The following ITGB3BP variants were observed in gnomAD, a reference collection of about 807,000 sequenced individuals.
ITGB3BP encodes the protein centromere protein R.
ITGB3BP carries 27 observed loss-of-function variants against 29.1 expected under a neutral mutation model. The ratio of observed to expected loss-of-function variants is 0.93; its 90% CI spans 0.68 to 1.28. The LOEUF is 1.28. Among genes scored for constraint, ITGB3BP ranks in the 50% most tolerant of loss-of-function variants. ITGB3BP has a pLI of 0.00. For missense variants in ITGB3BP, 192 were observed against 200.2 expected, an observed-to-expected ratio of 0.96 and a Z score of 0.25; for synonymous variants, 61 against 61.4, an observed-to-expected ratio of 0.99 and a Z score of 0.03.
At chr1:63,523,087 G>A in intron 1 of ITGB3BP, 42 bp downstream of exon 1, 1 of 1,612,410 alleles carries the variant, frequency 6.2e-7, no homozygotes, top group African/African-American at 1.3e-5. Context: ...TCTTCTTGCA[G>A]AGGGCCCCCA....
At chr1:63,446,411 A>G (rs1234587570) in intron 8 of ITGB3BP, 1 of 163,214 alleles carries the variant, frequency 6.1e-6, no homozygotes, top group Non-Finnish European at 1.3e-5. Flanking sequence ...TCCAAATTTA[A>G]CAGACTAGTT....
intron 4 of ITGB3BP, among the ~76,000 whole-genome samples, chr1:63,478,381 C>T (rs1645378037): frequency 6.6e-6 from 1 of 152,210 alleles, no homozygotes; most frequent in Non-Finnish European, 1.5e-5. Context: ...CTAGATCTCT[C>T]ACTCTGCTGG....
chr1:63,448,278 A>G (rs1185919960), intron 7 of ITGB3BP, among the ~76,000 whole-genome samples: 3 of 150,742 alleles, frequency 2.0e-5, no homozygotes, highest in Non-Finnish European at 3.0e-5. Flanking sequence ...ATGTATACAT[A>G]TGTAACTAAC....
chr1:63,510,275 A>G (rs978881006), intron 1 of ITGB3BP: 3 of 403,788 alleles, frequency 7.4e-6, no homozygotes, highest in Non-Finnish European at 8.8e-6. Flanking sequence ...AATGCTATTA[A>G]GATGCAATAG....
intron 4 of ITGB3BP, among the ~76,000 whole-genome samples, chr1:63,464,345 A>G (rs1436892103): frequency 6.6e-6 from 1 of 152,198 alleles, no homozygotes; most frequent in Non-Finnish European, 1.5e-5. Flanking sequence ...TGCTGTGAGC[A>G]TGGGAATTCT....
Position 63,446,864 on chromosome 1 carries a change from A to G in ITGB3BP, c.485-8T>C. The G allele has an allele frequency of 6.2e-7, 1 of 1,603,306 alleles. No individual in the cohort carries two copies. The highest frequency in any genetic ancestry group is 8.5e-7 in the Non-Finnish European group (1 of 1,173,718). On this transcript the variant is annotated splice_polypyrimidine_tract_variant and splice_region_variant and intron_variant, in intron 7 of 8. Coordinates refer to ENST00000271002, the MANE Select transcript of ITGB3BP (RefSeq NM_014288.5). ...TGTCAAGATGACGTGATGCTATATG[A>G]AAGAAGAAAGGTTTTTTTTTTCAGA...
intron 3 of ITGB3BP, among the ~76,000 whole-genome samples, chr1:63,481,722 A>G (rs6694910): frequency 0.96 from 146,118 of 152,308 alleles, 70,417 homozygotes; most frequent in Middle Eastern, 1. Flanking sequence ...ATACTTGGAA[A>G]CACAATCAAT....
upstream of ITGB3BP, chr1:63,523,409 C>T: frequency 3.7e-6 from 2 of 533,408 alleles, no homozygotes; most frequent in Non-Finnish European, 3.4e-6. Context: ...ATACCACCCC[C>T]GCGATAGAGG....
intron 2 of ITGB3BP, among the ~76,000 whole-genome samples, chr1:63,497,541 AC>A (rs958484193): frequency 6.6e-6 from 1 of 152,186 alleles, no homozygotes; most frequent in African/African-American, 2.4e-5. Flanking sequence ...GTATTGGGTG[AC>A]ATGTGTCTCA....
chr1:63,449,038 GTTAT>G (rs1370924061), intron 7 of ITGB3BP, among the ~76,000 whole-genome samples: 4 of 152,116 alleles, frequency 2.6e-5, no homozygotes, highest in Non-Finnish European at 4.4e-5. Context: ...CTGTTTAAAT[GTTAT>G]TTATTTTTAT....
chr1:63,472,729 G>C (rs894574196), intron 4 of ITGB3BP, among the ~76,000 whole-genome samples: 3 of 150,934 alleles, frequency 2.0e-5, no homozygotes, highest in Admixed American at 6.6e-5. Context: ...CGCCAGCCTC[G>C]GCCTCCCGAG....
intron 2 of ITGB3BP, among the ~76,000 whole-genome samples, chr1:63,496,094 AT>A (rs760733420): frequency 0.01 from 1,412 of 140,502 alleles, 8 homozygotes; most frequent in African/African-American, 0.031. Context: ...GGCCACTACA[AT>A]TTTTTTTTTT....
At chr1:63,509,992 A>T in intron 1 of ITGB3BP, 2 of 438,336 alleles carry the variant, frequency 4.6e-6, no homozygotes, top group Non-Finnish European at 8.2e-6. Flanking sequence ...CAGGAGTTCG[A>T]GACCAGCCTA....
At chr1:63,488,698 ATG>A (rs1209437261) in intron 3 of ITGB3BP, among the ~76,000 whole-genome samples, 1 of 152,084 alleles carries the variant, frequency 6.6e-6, no homozygotes, top group African/African-American at 2.4e-5. Context: ...AGACTTCTAT[ATG>A]TGAGATATAT....
intron 2 of ITGB3BP, among the ~76,000 whole-genome samples, chr1:63,497,986 AC>A (rs1645832392): frequency 6.6e-6 from 1 of 152,192 alleles, no homozygotes; most frequent in African/African-American, 2.4e-5. Context: ...GGGGAAAAAA[AC>A]AAAAAACAAA....
At chr1:63,446,721 G>T in intron 8 of ITGB3BP, 85 bp downstream of exon 8, 2 of 956,182 alleles carry the variant, frequency 2.1e-6, no homozygotes, top group Non-Finnish European at 1.7e-6. Context: ...TACCAAATCT[G>T]ATAATGTAAA....
At chr1:63,514,179 G>C (rs555584247) in intron 1 of ITGB3BP, among the ~76,000 whole-genome samples, 2 of 152,208 alleles carry the variant, frequency 1.3e-5, no homozygotes, top group South Asian at 4.1e-4. Flanking sequence ...ATAACTGTTA[G>C]ATTCACCCAG....
chr1:63,519,442 T>C (rs1464170069), intron 1 of ITGB3BP, among the ~76,000 whole-genome samples: 1 of 152,124 alleles, frequency 6.6e-6, no homozygotes, highest in African/African-American at 2.4e-5. Context: ...CTAAGTTAAA[T>C]AGACAGGTGA....
In ITGB3BP at chr1:63,505,020, G is replaced by C. The variant is rs1448074482; in HGVS notation, c.48+3508C>G. On this transcript the variant is annotated intron_variant, in intron 2 of 8. Transcript: ENST00000271002. ...GGCTTTGGTATCAGGATGATGCTGG[G>C]CTCATAAAATGCATCAGGGAGGATT... Among the ~76,000 whole-genome samples the C allele has an allele frequency of 2.6e-5, 4 of 152,094 alleles. No homozygotes were observed. In the East Asian group the frequency reaches 5.8e-4, roughly 22 times the overall value.
Sources: gnomAD v4.1 joint callset for allele counts (sites outside exome capture counted in the v4.1 genomes callset) on GRCh38, gnomAD v4.1.1 for gene constraint, MANE v1.5 for transcripts, NCBI Gene and HGNC (gene_info 2026-07-23, HGNC 2026-07-21) for gene names.